FMN1: variants seen among roughly 807,000 people sequenced by gnomAD.
FMN1 encodes the protein formin 1.
FMN1 carries 110 observed loss-of-function variants against 132.4 expected under a neutral mutation model. The ratio of observed to expected loss-of-function variants is 0.83; its 90% confidence interval spans 0.71 to 0.97. FMN1 has a LOEUF of 0.97. Ranked by LOEUF, FMN1 falls within the 50% of genes least tolerant of loss-of-function variation. The probability of loss-of-function intolerance (pLI) is 0.00; values close to 1 mark genes in which losing one functional copy is unlikely to be tolerated. For synonymous variants in FMN1, 722 were observed against 651.7 expected, an observed-to-expected ratio of 1.11 and a Z score of -1.64; for missense variants, 1,792 against 1,705.3, an observed-to-expected ratio of 1.05 and a Z score of -0.90.
intron 10 of FMN1, among the ~76,000 whole-genome samples, chr15:32,921,228 A>T (rs527980298): frequency 1.4e-4 from 22 of 152,330 alleles, no homozygotes; most frequent in African/African-American, 5.0e-4. Context: ...ACACCTAGCT[A>T]CATAGAGAGT....
At position 32,770,676 on chromosome 15, in the gene FMN1, T is replaced by A. The variant is rs1316396141; in HGVS notation, c.*3634A>T. On this transcript the variant is annotated 3_prime_UTR_variant, in exon 21 of 21. Coordinates refer to ENST00000616417, the MANE Select transcript of FMN1 (RefSeq NM_001277313.2). Reference sequence around the variant, plus strand: ...TGCCTGAAGGAGGCTGAGAAGAGGTTTGCAGCTTCTACTGTCCTTGATAGG... The same window carrying A: ...TGCCTGAAGGAGGCTGAGAAGAGGTATGCAGCTTCTACTGTCCTTGATAGG... The A allele has an allele frequency of 6.6e-6, 1 of 152,188 alleles. No homozygotes were observed. The highest frequency in any genetic ancestry group is 1.5e-5 in the Non-Finnish European group (1 of 68,066). 9.4% of individuals were successfully genotyped at this position (152,188 alleles called of 1,614,324 possible).
chr15:33,026,729 G>A (rs2035695620), intron 6 of FMN1, among the ~76,000 whole-genome samples: 1 of 152,094 alleles, frequency 6.6e-6, no homozygotes, highest in Non-Finnish European at 1.5e-5. Flanking sequence ...AGAGGTGAAG[G>A]TCAGTCTCTT....
chr15:32,814,487 A>G (rs1053156602), intron 17 of FMN1, among the ~76,000 whole-genome samples: 2 of 152,290 alleles, frequency 1.3e-5, no homozygotes, highest in East Asian at 3.9e-4. Context: ...ACTAAACTCT[A>G]TAGCCTCATC....
intron 4 of FMN1, among the ~76,000 whole-genome samples, chr15:33,122,849 G>A (rs950908313): frequency 2.6e-5 from 4 of 152,154 alleles, no homozygotes; most frequent in African/African-American, 4.8e-5. Flanking sequence ...GGAATAGAAA[G>A]AGATTGACAT....
intron 4 of FMN1, among the ~76,000 whole-genome samples, chr15:33,092,985 T>TA: frequency 6.6e-6 from 1 of 152,358 alleles, no homozygotes; most frequent in Non-Finnish European, 1.5e-5. Flanking sequence ...ATTTACCAGA[T>TA]ATTGTCTTTA....
rs147043808 is a variant in FMN1, at chr15:33,114,110, C to T, written c.1868-25136G>A. ...CTGTTCAGAATTGTCAGCCCGGTTTCCCTCTGAGCCTGTTCTGCCGTCAAG... is the reference window on the plus strand; with the variant it reads ...CTGTTCAGAATTGTCAGCCCGGTTTTCCTCTGAGCCTGTTCTGCCGTCAAG... On this transcript the variant is annotated intron_variant, in intron 4 of 20. Transcript: ENST00000616417. Among the ~76,000 whole-genome samples, 142 of 152,344 alleles carry T rather than the reference C, an allele frequency of 9.3e-4. 2 individuals are homozygous for T. The East Asian group carries it at 0.026, about 28-fold the overall frequency.
chr15:32,848,977 GTTTTTTTT>G (rs71113479), intron 17 of FMN1, among the ~76,000 whole-genome samples: 6 of 89,574 alleles, frequency 6.7e-5, no homozygotes, highest in South Asian at 4.9e-4. Flanking sequence ...GTTCTCTTTT[GTTTTTTTT>G]TTTTTTTTTT....
chr15:33,165,454 G>A (rs1223477223), intron 3 of FMN1, among the ~76,000 whole-genome samples: 8 of 152,098 alleles, frequency 5.3e-5, no homozygotes, highest in South Asian at 4.1e-4. Context: ...GCAGTGGCGC[G>A]ATCTCGGCTC....
chr15:33,181,899 AG>A (rs961676300), intron 2 of FMN1, among the ~76,000 whole-genome samples: 41 of 151,682 alleles, frequency 2.7e-4, no homozygotes, highest in African/African-American at 9.9e-4. Flanking sequence ...TAGTAGAGAC[AG>A]GGTTTCACCA....
intron 16 of FMN1, among the ~76,000 whole-genome samples, chr15:32,885,449 G>C (rs1032198313): frequency 6.6e-6 from 1 of 152,180 alleles, no homozygotes; most frequent in African/African-American, 2.4e-5. Flanking sequence ...CTTAGAAGTC[G>C]TATCTAGTTT....
At chr15:33,012,338 G>GC (rs1472254819) in intron 6 of FMN1, 3 of 843,424 alleles carry the variant, frequency 3.6e-6, no homozygotes, top group Non-Finnish European at 6.1e-6. Context: ...AGCCATGAAT[G>GC]CAAGGCCACA....
chr15:32,877,437 T>G (rs551749441), intron 16 of FMN1, among the ~76,000 whole-genome samples: 1 of 152,296 alleles, frequency 6.6e-6, no homozygotes, highest in East Asian at 1.9e-4. Context: ...AAAAAAGTCT[T>G]GCAAATGGTC....
chr15:33,137,709 C>T lies in FMN1; in HGVS notation c.1867+15339G>A, dbSNP rs1397584779. Among the ~76,000 whole-genome samples, 6 of 152,300 alleles carry T rather than the reference C, an allele frequency of 3.9e-5. No individual in the cohort carries two copies. In the South Asian group the frequency reaches 1.2e-3, roughly 32 times the overall value. ...ATTTCTTTACACTGGGGTATGGCTT[C>T]TCTACATGATTACAGACATCAGAGC... On this transcript the variant is annotated intron_variant, in intron 4 of 20. Coordinates refer to ENST00000616417, the MANE Select transcript of FMN1 (RefSeq NM_001277313.2).
intron 16 of FMN1, among the ~76,000 whole-genome samples, chr15:32,880,056 T>TA (rs2141431068): frequency 6.6e-6 from 1 of 152,090 alleles, no homozygotes; most frequent in African/African-American, 2.4e-5. Context: ...TCTATTGTTT[T>TA]TTTTTTATTT....
intron 4 of FMN1, among the ~76,000 whole-genome samples, chr15:33,098,862 G>C (rs906710417): frequency 1.3e-5 from 2 of 152,080 alleles, no homozygotes; most frequent in Non-Finnish European, 2.9e-5. Flanking sequence ...CAGGCCTAAG[G>C]TTGGTAAGGG....
chr15:32,866,987 T>C (rs2141350903), intron 16 of FMN1, among the ~76,000 whole-genome samples: 1 of 152,304 alleles, frequency 6.6e-6, no homozygotes, highest in Middle Eastern at 3.4e-3. Flanking sequence ...CCTCCTCCCA[T>C]GCTATGCTCT....
At chr15:33,128,976 C>A (rs1284755259) in intron 4 of FMN1, among the ~76,000 whole-genome samples, 1 of 152,212 alleles carries the variant, frequency 6.6e-6, no homozygotes, top group Non-Finnish European at 1.5e-5. Context: ...CTGATTGGTC[C>A]ATTTTACAGA....
At chr15:32,836,963 A>ATT (rs61128765) in intron 17 of FMN1, 3 of 199,434 alleles carry the variant, frequency 1.5e-5, no homozygotes, top group Admixed American at 4.6e-5. Context: ...AAATAGATGC[A>ATT]TTTTTTTTTT....
chr15:33,135,251 T>C (rs895923015), intron 4 of FMN1, among the ~76,000 whole-genome samples: 3 of 152,222 alleles, frequency 2.0e-5, no homozygotes, highest in Non-Finnish European at 2.9e-5. Context: ...GTTCTCTACA[T>C]AAATTATTTT....
Sources: gnomAD v4.1 joint callset for allele counts (sites outside exome capture counted in the v4.1 genomes callset) on GRCh38, gnomAD v4.1.1 for gene constraint, MANE v1.5 for transcripts, NCBI Gene and HGNC (gene_info 2026-07-23, HGNC 2026-07-21) for gene names.